Variants in SCARA5 observed in about 807,000 individuals in gnomAD.
SCARA5 encodes the protein scavenger receptor class A, member 5 (putative).
A neutral mutation model predicts 46.3 loss-of-function variants in SCARA5; 45 were observed. The ratio of observed to expected loss-of-function variants is 0.97; its 90% CI spans 0.76 to 1.24. The LOEUF (loss-of-function observed/expected upper bound fraction) is 1.24. Among genes scored for constraint, SCARA5 ranks in the 50% most tolerant of loss-of-function variants. The pLI is 0.00. For missense variants in SCARA5, 680 were observed against 689.0 expected (o/e 0.99, Z 0.15); for synonymous variants, 333 against 306.5 (o/e 1.09, Z -0.90).
intron 2 of SCARA5, among the ~76,000 whole-genome samples, chr8:27,975,663 G>A (rs1351762253): frequency 1.3e-5 from 2 of 152,186 alleles, no homozygotes; most frequent in Admixed American, 6.5e-5. Context: ...GAAGCATTCT[G>A]TGATGAGTGA....
At chr8:27,946,826 C>T (rs1399692695) in intron 3 of SCARA5, among the ~76,000 whole-genome samples, 1 of 152,128 alleles carries the variant, frequency 6.6e-6, no homozygotes, top group Admixed American at 6.5e-5. Context: ...GGGCCTTGGG[C>T]ATCTGCATTT....
rs540960529 is a variant in SCARA5, at chr8:27,944,526, T to C, written c.241+21888A>G. Among the ~76,000 whole-genome samples, 7 of 152,222 alleles carry C rather than the reference T, an allele frequency of 4.6e-5. No individual in the cohort carries two copies. The South Asian group carries it at 6.2e-4, about 14-fold the overall frequency. On this transcript the variant is annotated intron_variant, in intron 3 of 8. Transcript: ENST00000354914. ...AAAATGAAGGGTATATAGCACTCTT[T>C]ATAGCTTCCAACTTCTCTGTAGGTT...
chr8:27,916,302 T>A (rs948634453), intron 4 of SCARA5, among the ~76,000 whole-genome samples: 1 of 152,260 alleles, frequency 6.6e-6, no homozygotes, highest in Admixed American at 6.5e-5. Context: ...AGTGTATGTG[T>A]ATATGTATGT....
At chr8:27,892,036 A>G (rs559096445) in intron 7 of SCARA5, among the ~76,000 whole-genome samples, 3 of 152,206 alleles carry the variant, frequency 2.0e-5, no homozygotes, top group Non-Finnish European at 4.4e-5. Context: ...ACCGTGAATC[A>G]TTGGCCTGAC....
At chr8:27,879,975 G>A (rs1806786173) in intron 7 of SCARA5, among the ~76,000 whole-genome samples, 1 of 152,192 alleles carries the variant, frequency 6.6e-6, no homozygotes, top group East Asian at 1.9e-4. Flanking sequence ...TTTTCACAGC[G>A]CGGTGCTGGT....
Position 27,892,603 on chromosome 8 carries a change from AC to A in SCARA5, c.1153+12174del, listed in dbSNP as rs200107766. ...GCCAGAAGTGACCTCTCCATACCTC[AC>A]CCTTTTTTTTTTTTTTTTTTTTTGA... On this transcript the variant is annotated intron_variant, in intron 7 of 8. Transcript: ENST00000354914. Among the ~76,000 whole-genome samples, 165 of 98,088 alleles carry A rather than the reference AC, an allele frequency of 1.7e-3. 13 individuals are homozygous for A. Among genetic ancestry groups the A allele is most frequent in the African/African-American group, 2.1e-3 (58 of 27,286 alleles). 64.3% of individuals were successfully genotyped at this position (98,088 alleles called of 152,430 possible). A position where few individuals can be genotyped will look rare whatever the true frequency, so the allele number is the denominator to read the frequency against.
At chr8:27,927,873 A>C (rs1173602734) in intron 3 of SCARA5, among the ~76,000 whole-genome samples, 1 of 152,178 alleles carries the variant, frequency 6.6e-6, no homozygotes, top group Non-Finnish European at 1.5e-5. Context: ...TGAGTATTAC[A>C]ATTTTCATGT....
At chr8:27,970,342 C>T (rs1318034041) in intron 2 of SCARA5, among the ~76,000 whole-genome samples, 1 of 152,186 alleles carries the variant, frequency 6.6e-6, no homozygotes, top group Non-Finnish European at 1.5e-5. Flanking sequence ...ACCAGACCAA[C>T]CTGAGGACTA....
chr8:27,908,485 C>T (rs1807309446), intron 5 of SCARA5, among the ~76,000 whole-genome samples: 1 of 152,202 alleles, frequency 6.6e-6, no homozygotes, highest in African/African-American at 2.4e-5. Context: ...TTCTTTCCTG[C>T]TTGGAATATG....
At chr8:27,938,780 C>CA (rs905449181) in intron 3 of SCARA5, among the ~76,000 whole-genome samples, 63 of 152,244 alleles carry the variant, frequency 4.1e-4, no homozygotes, top group Non-Finnish European at 1.6e-4. Context: ...ACTTTGTACA[C>CA]ACCCTTTTAT....
At chr8:27,964,824 C>T (rs971721144) in intron 3 of SCARA5, among the ~76,000 whole-genome samples, 4 of 152,158 alleles carry the variant, frequency 2.6e-5, no homozygotes, top group Non-Finnish European at 5.9e-5. Flanking sequence ...AGACCCCCAT[C>T]TGTCACCTAA....
intron 3 of SCARA5, among the ~76,000 whole-genome samples, chr8:27,958,142 T>A (rs1361480734): frequency 6.6e-6 from 1 of 152,244 alleles, no homozygotes; most frequent in African/African-American, 2.4e-5. Context: ...GCTGAAGCTC[T>A]GGAGAACAGG....
chr8:27,968,565 C>A (rs1433752962), intron 2 of SCARA5, among the ~76,000 whole-genome samples: 1 of 152,140 alleles, frequency 6.6e-6, no homozygotes, highest in Non-Finnish European at 1.5e-5. Context: ...TGTCTGGTTG[C>A]AACTTACCAG....
intron 3 of SCARA5, among the ~76,000 whole-genome samples, chr8:27,955,825 G>T (rs746791916): frequency 4.6e-5 from 7 of 152,184 alleles, no homozygotes; most frequent in Non-Finnish European, 8.8e-5. Context: ...GCAACTCTAT[G>T]TGTCGACGAC....
At chr8:27,919,221 A>G (rs1458498477) in intron 4 of SCARA5, among the ~76,000 whole-genome samples, 2 of 104,732 alleles carry the variant, frequency 1.9e-5, no homozygotes, top group South Asian at 4.2e-4. Flanking sequence ...GAAAGAAGAG[A>G]AGGAGGAGGA....
At chr8:27,899,985 C>G (rs1428528621) in intron 7 of SCARA5, among the ~76,000 whole-genome samples, 1 of 151,954 alleles carries the variant, frequency 6.6e-6, no homozygotes. Context: ...TAAAAATACA[C>G]AAATTAGCTG....
intron 4 of SCARA5, among the ~76,000 whole-genome samples, chr8:27,917,221 A>G (rs774334736): frequency 4.6e-5 from 7 of 152,254 alleles, no homozygotes; most frequent in Non-Finnish European, 8.8e-5. Context: ...ACAAGAAAGC[A>G]GGACTAAGAT....
chr8:27,936,866 C>CT (rs1807865911), intron 3 of SCARA5, among the ~76,000 whole-genome samples: 1 of 152,140 alleles, frequency 6.6e-6, no homozygotes, highest in African/African-American at 2.4e-5. Flanking sequence ...ACTTTGTGCC[C>CT]TGGCCCTAGC....
chr8:27,890,524 G>T (rs4582511), intron 7 of SCARA5, among the ~76,000 whole-genome samples: 2 of 152,146 alleles, frequency 1.3e-5, no homozygotes, highest in African/African-American at 4.8e-5. Context: ...AATAGATGGC[G>T]TGGAGGGCAA....
Sources: gnomAD v4.1 joint callset for allele counts (sites outside exome capture counted in the v4.1 genomes callset) on GRCh38, gnomAD v4.1.1 for gene constraint, MANE v1.5 for transcripts, NCBI Gene and HGNC (gene_info 2026-07-23, HGNC 2026-07-21) for gene names.